Variants in EIF5B observed in about 807,000 individuals in gnomAD.
EIF5B encodes the protein eIF-5B.
A neutral mutation model predicts 147.5 loss-of-function variants in EIF5B; 47 were observed. That is an observed-to-expected ratio of 0.32 (90% CI 0.25 to 0.41). The LOEUF (loss-of-function observed/expected upper bound fraction) is 0.41, where lower values mean the gene tolerates loss of function less well. Ranked by LOEUF, EIF5B falls within the 10% of genes least tolerant of loss-of-function variation. The pLI is 1.00. For synonymous variants in EIF5B, 455 were observed against 456.2 expected, an observed-to-expected ratio of 1.00 and a Z score of 0.03; for missense variants, 1,064 against 1,413.2, an observed-to-expected ratio of 0.75 and a Z score of 3.96.
intron 20 of EIF5B, 56 bp downstream of exon 20, chr2:99,394,641 G>A: frequency 1.2e-6 from 2 of 1,611,640 alleles, no homozygotes; most frequent in Non-Finnish European, 1.7e-6. Flanking sequence ...TCTTAAAACT[G>A]TCCTATCTTA....
chr2:99,358,886 C>G (rs1223621723), intron 1 of EIF5B, among the ~76,000 whole-genome samples: 1 of 152,178 alleles, frequency 6.6e-6, no homozygotes, highest in African/African-American at 2.4e-5. Context: ...TTCTGGCCAA[C>G]TATTTATAAA....
intron 12 of EIF5B, among the ~76,000 whole-genome samples, 177 bp from the exon 13 acceptor site, chr2:99,381,982 G>T (rs1674698955): frequency 6.6e-6 from 1 of 152,058 alleles, no homozygotes; most frequent in African/African-American, 2.4e-5. Flanking sequence ...AATGCCTTTG[G>T]ATTTTAATGA....
chr2:99,401,097 T>A lies in EIF5B; in HGVS notation c.*1683T>A, dbSNP rs1249056908. The A allele has an allele frequency of 2.0e-6, 1 of 500,774 alleles. No homozygotes were observed. The highest frequency in any genetic ancestry group is 3.0e-5 in the East Asian group (1 of 32,920). 31.0% of individuals were successfully genotyped at this position (500,774 alleles called of 1,614,324 possible). ...ATGCAATACTGACAAATTTGGCACTTTTTGAAAAGAAATGTACAAAACACT... is the reference window on the plus strand; with the variant it reads ...ATGCAATACTGACAAATTTGGCACTATTTGAAAAGAAATGTACAAAACACT... On this transcript the variant is annotated 3_prime_UTR_variant, in exon 24 of 24. Coordinates refer to ENST00000289371, the MANE Select transcript of EIF5B (RefSeq NM_015904.4).
Position 99,364,260 on chromosome 2 carries a change from C to G in EIF5B, c.1138-11C>G. On this transcript the variant is annotated splice_polypyrimidine_tract_variant and intron_variant, in intron 5 of 23. Transcript: ENST00000289371. ...GAATACAGGTTTTGTCTGACATGTACTCTTTTATAGGAACGATTGGAACAA... is the reference window on the plus strand; with the variant it reads ...GAATACAGGTTTTGTCTGACATGTAGTCTTTTATAGGAACGATTGGAACAA... 6.4e-7 allele frequency: 1 copy of G among 1,571,052 alleles called. No homozygotes were observed.
chr2:99,338,601 G>A (rs2094250069), intron 1 of EIF5B, among the ~76,000 whole-genome samples: 1 of 152,178 alleles, frequency 6.6e-6, no homozygotes, highest in South Asian at 2.1e-4. Flanking sequence ...ACTAGCTTAT[G>A]AGTAGAATTA....
chr2:99,398,976 C>T (rs2104266186), intron 23 of EIF5B, 67 bp downstream of exon 23: 3 of 1,520,852 alleles, frequency 2.0e-6, no homozygotes, highest in Non-Finnish European at 2.7e-6. Flanking sequence ...GTCACCTGTA[C>T]CTGTAGCTCC....
Position 99,361,487 on chromosome 2 carries a change from T to A in EIF5B, c.586T>A (p.Ser196Thr). Reference sequence around the variant, plus strand: ...TGATGAATCAGATGAATTTTTGCAATCTAGAAAAGGACAGAAAAAAAATCA... The same window carrying A: ...TGATGAATCAGATGAATTTTTGCAAACTAGAAAAGGACAGAAAAAAAATCA... ...SGDESDEFLQ[S>T]RKGQKKNQKN... Residue 196 changes from serine (S) to threonine (T), a missense_variant, in exon 4 of 24, where the codon TCT (serine) becomes ACT (threonine). Physicochemically the swap from Ser to Thr is moderately conservative, Grantham distance 58 (BLOSUM62 1). Transcript: ENST00000289371. 1.2e-6 allele frequency: 2 copies of A among 1,613,742 alleles called. No homozygotes were observed. The highest frequency in any genetic ancestry group is 2.2e-5 in the South Asian group (2 of 91,056).
At chr2:99,373,983 C>T (rs1408971216) in intron 9 of EIF5B, among the ~76,000 whole-genome samples, 1 of 152,114 alleles carries the variant, frequency 6.6e-6, no homozygotes, top group African/African-American at 2.4e-5. Context: ...TTACCCAATA[C>T]TCTATTTAGA....
In EIF5B at chr2:99,390,603, G is replaced by T; in HGVS notation, c.2646G>T (p.Leu882Phe). The change falls in exon 17 of 24, where the codon TTG becomes TTT. Residue 882 changes from leucine (L) to phenylalanine (F), a missense_variant. Leu to Phe is a conservative substitution (Grantham distance 22, BLOSUM62 0). Transcript: ENST00000289371. The part of the protein sequence containing the change: ...TIDVILINGR[L>F]KEGDTIIVPG... ...ATGTCATCTTGATCAATGGGCGTTT[G>T]AAGGAAGGAGATACAATCATTGTTC... 1 of 1,613,200 alleles carries T rather than the reference G, an allele frequency of 6.2e-7. No individual in the cohort carries two copies. The highest frequency in any genetic ancestry group is 8.5e-7 in the Non-Finnish European group (1 of 1,179,260).
chr2:99,396,701 T>C (rs1420763142), intron 21 of EIF5B, 59 bp from the exon 22 acceptor site: 3 of 1,531,712 alleles, frequency 2.0e-6, no homozygotes, highest in Non-Finnish European at 1.7e-6. Flanking sequence ...AGCTGCAGTT[T>C]TTCTTTTTAT....
At chr2:99,360,584 C>T (rs757666404) in intron 3 of EIF5B, 35 bp downstream of exon 3, 23 of 1,591,596 alleles carry the variant, frequency 1.4e-5, no homozygotes, top group East Asian at 2.2e-5. Flanking sequence ...ATTCGTATTT[C>T]GTATTCTATT....
chr2:99,397,178 TCA>T, intron 22 of EIF5B: 1 of 257,510 alleles, frequency 3.9e-6, no homozygotes, highest in Non-Finnish European at 7.3e-6. Flanking sequence ...TCTCAGTGCT[TCA>T]GTTAATTGGG....
chr2:99,353,841 T>C (rs1017249296), intron 1 of EIF5B, among the ~76,000 whole-genome samples: 3 of 152,256 alleles, frequency 2.0e-5, no homozygotes, highest in Non-Finnish European at 2.9e-5. Flanking sequence ...TCTATCGAAG[T>C]TGTTGCATGT....
chr2:99,374,107 G>A lies in EIF5B; in HGVS notation c.1553-2240G>A, dbSNP rs193138077. On this transcript the variant is annotated intron_variant, in intron 9 of 23. Coordinates refer to ENST00000289371, the MANE Select transcript of EIF5B (RefSeq NM_015904.4). ...AGATTGAGATTAGCCTGGCCAATGTGGCAAAACCCCACCTCTACTAAAACT... is the reference window on the plus strand; with the variant it reads ...AGATTGAGATTAGCCTGGCCAATGTAGCAAAACCCCACCTCTACTAAAACT... 2.3e-3 allele frequency among the ~76,000 whole-genome samples: 346 copies of A among 152,140 alleles called. 4 individuals are homozygous for A. The highest frequency in any genetic ancestry group is 8.1e-3 in the African/African-American group (337 of 41,532).
At chr2:99,396,665 C>G in intron 21 of EIF5B, 95 bp from the exon 22 acceptor site, 2 of 1,459,234 alleles carry the variant, frequency 1.4e-6, no homozygotes, top group Non-Finnish European at 1.8e-6. Context: ...AAGCTGCTTT[C>G]CTCTAATGGG....
intron 1 of EIF5B, among the ~76,000 whole-genome samples, chr2:99,348,148 A>G (rs1051491583): frequency 6.6e-6 from 1 of 152,200 alleles, no homozygotes; most frequent in African/African-American, 2.4e-5. Flanking sequence ...TTAGAAAATA[A>G]AGGGTTAGGC....
intron 1 of EIF5B, among the ~76,000 whole-genome samples, chr2:99,355,261 A>T (rs1674070777): frequency 6.6e-6 from 1 of 152,062 alleles, no homozygotes; most frequent in South Asian, 2.1e-4. Context: ...TGGTTTAGCT[A>T]TTCTAGTTTC....
intron 1 of EIF5B, among the ~76,000 whole-genome samples, chr2:99,345,784 C>G (rs1044781443): frequency 5.3e-5 from 8 of 150,706 alleles, no homozygotes; most frequent in Non-Finnish European, 1.0e-4. Flanking sequence ...ATCTCTACCC[C>G]CTAAAAAAAA....
At chr2:99,354,082 A>G (rs1038645446) in intron 1 of EIF5B, among the ~76,000 whole-genome samples, 5 of 152,192 alleles carry the variant, frequency 3.3e-5, no homozygotes, top group Admixed American at 1.3e-4. Context: ...TGGTAAGTAC[A>G]TTTTTAGTTT....
Sources: gnomAD v4.1 joint callset for allele counts (sites outside exome capture counted in the v4.1 genomes callset) on GRCh38, gnomAD v4.1.1 for gene constraint, MANE v1.5 for transcripts, NCBI Gene and HGNC (gene_info 2026-07-23, HGNC 2026-07-21) for gene names.